The following PTPRN2 variants were observed in gnomAD, a reference collection of about 807,000 sequenced individuals.
PTPRN2 encodes the protein receptor-type tyrosine-protein phosphatase N2.
Under a neutral mutation model 118.8 loss-of-function variants are expected in PTPRN2, and 74 were observed. That is an observed-to-expected ratio of 0.62 (90% CI 0.52 to 0.76). The LOEUF is 0.76. Ranked by LOEUF, PTPRN2 falls within the 30% of genes least tolerant of loss-of-function variation. PTPRN2 has a pLI of 0.00. For missense variants in PTPRN2, 1,481 were observed against 1,394.4 expected (o/e 1.06, Z -0.99); for synonymous variants, 641 against 608.0 (o/e 1.05, Z -0.80).
chr7:158,223,543 T>C (rs1214500096), intron 3 of PTPRN2, among the ~76,000 whole-genome samples: 1 of 152,068 alleles, frequency 6.6e-6, no homozygotes, highest in African/African-American at 2.4e-5. Context: ...ACCATATTAA[T>C]AGGCTAAAGA....
chr7:158,298,470 C>A (rs976048574), intron 3 of PTPRN2, among the ~76,000 whole-genome samples: 3 of 152,172 alleles, frequency 2.0e-5, no homozygotes, highest in African/African-American at 7.2e-5. Context: ...CAAGTCGAAA[C>A]ATGAAATTAC....
intron 2 of PTPRN2, among the ~76,000 whole-genome samples, chr7:158,384,100 C>T (rs1811155645): frequency 6.6e-6 from 1 of 152,200 alleles, no homozygotes; most frequent in East Asian, 1.9e-4. Flanking sequence ...GTCCCTCACA[C>T]ACTCATGATT....
chr7:157,665,485 G>A (rs1447204694), intron 13 of PTPRN2, among the ~76,000 whole-genome samples: 1 of 152,218 alleles, frequency 6.6e-6, no homozygotes, highest in African/African-American at 2.4e-5. Context: ...GAGCTGGACG[G>A]AGGCTCCATC....
intron 13 of PTPRN2, among the ~76,000 whole-genome samples, chr7:157,681,982 A>T (rs1796934429): frequency 7.2e-5 from 11 of 152,230 alleles, no homozygotes; most frequent in Admixed American, 7.2e-4. Flanking sequence ...TTTTATATGC[A>T]AAGGAATCAA....
chr7:158,128,674 C>G (rs114666751), intron 9 of PTPRN2, among the ~76,000 whole-genome samples: 2,300 of 152,232 alleles, frequency 0.015, 58 homozygotes, highest in African/African-American at 0.052. Flanking sequence ...ACAGGATTGT[C>G]GGCTCTGAAG....
intron 2 of PTPRN2, among the ~76,000 whole-genome samples, chr7:158,363,012 C>T (rs1231049707): frequency 1.3e-5 from 2 of 152,182 alleles, no homozygotes; most frequent in Non-Finnish European, 1.5e-5. Flanking sequence ...CCCCATGATC[C>T]ATGGAACAGA....
chr7:158,513,605 GA>G (rs1427973661), intron 1 of PTPRN2, among the ~76,000 whole-genome samples: 1 of 103,032 alleles, frequency 9.7e-6, no homozygotes, highest in Non-Finnish European at 1.9e-5. Flanking sequence ...AAACTGTCCT[GA>G]AAAATAGTTT....
At chr7:157,791,300 G>A (rs1294973442) in intron 12 of PTPRN2, among the ~76,000 whole-genome samples, 3 of 152,208 alleles carry the variant, frequency 2.0e-5, no homozygotes, top group Non-Finnish European at 4.4e-5. Context: ...CATGGAACAC[G>A]ATGCAACACC....
At chr7:158,143,044 C>T (rs1173275784) in intron 6 of PTPRN2, among the ~76,000 whole-genome samples, 1 of 152,222 alleles carries the variant, frequency 6.6e-6, no homozygotes, top group Admixed American at 6.5e-5. Context: ...CCAGAGCAAC[C>T]TTTTCATTCT....
chr7:157,871,843 G>A (rs1224762203), intron 12 of PTPRN2, among the ~76,000 whole-genome samples: 5 of 150,842 alleles, frequency 3.3e-5, no homozygotes, highest in African/African-American at 1.2e-4. Flanking sequence ...GTCTACACAT[G>A]TGCACTCAGC....
chr7:158,077,808 A>T (rs2128928014), intron 11 of PTPRN2, among the ~76,000 whole-genome samples: 1 of 152,354 alleles, frequency 6.6e-6, no homozygotes, highest in Non-Finnish European at 1.5e-5. Flanking sequence ...TGAAAGGAGC[A>T]ATACAAAAAT....
intron 21 of PTPRN2, among the ~76,000 whole-genome samples, chr7:157,558,909 A>G (rs769261959): frequency 2.6e-5 from 4 of 152,206 alleles, no homozygotes; most frequent in Non-Finnish European, 4.4e-5. Flanking sequence ...GCAAACACAG[A>G]GACCTTGTCC....
intron 2 of PTPRN2, among the ~76,000 whole-genome samples, chr7:158,408,195 A>G (rs1268440491): frequency 6.6e-6 from 1 of 152,250 alleles, no homozygotes; most frequent in Non-Finnish European, 1.5e-5. Context: ...ACACATGATC[A>G]AATGTGCCTT....
intron 6 of PTPRN2, among the ~76,000 whole-genome samples, chr7:158,155,712 ACACCATCATCACCAT>A (rs1283089618): frequency 4.7e-5 from 5 of 106,230 alleles, no homozygotes; most frequent in Non-Finnish European, 7.5e-5. Flanking sequence ...ATCACCGTCA[ACACCATCATCACCAT>A]CACCATCATC....
At chr7:157,694,589 A>G (rs1797678043) in intron 12 of PTPRN2, among the ~76,000 whole-genome samples, 1 of 152,148 alleles carries the variant, frequency 6.6e-6, no homozygotes, top group Admixed American at 6.5e-5. Context: ...GAAACTGGTA[A>G]GTTACTCGCC....
At chr7:158,225,023 A>G (rs1212947713) in intron 3 of PTPRN2, among the ~76,000 whole-genome samples, 2 of 152,186 alleles carry the variant, frequency 1.3e-5, no homozygotes, top group Non-Finnish European at 2.9e-5. Context: ...AGATGCCACC[A>G]CACACCTATC....
chr7:158,003,184 A>G lies in PTPRN2; in HGVS notation c.1723+78114T>C, dbSNP rs992103984. On this transcript the variant is annotated intron_variant, in intron 11 of 22. Transcript: ENST00000389418. This position sits in a 1 kb window ranked among gnomAD's most constrained non-coding sequence, Gnocchi z 5.0. ...AATCCCAGCACTTTGGGAGGCCGAGACGGGCGGATCACGAGGTCAGGAGAT... is the reference window on the plus strand; with the variant it reads ...AATCCCAGCACTTTGGGAGGCCGAGGCGGGCGGATCACGAGGTCAGGAGAT... 2.6e-5 allele frequency among the ~76,000 whole-genome samples: 4 copies of G among 151,808 alleles called. No homozygotes were observed. The highest frequency in any genetic ancestry group is 4.4e-5 in the Non-Finnish European group (3 of 67,954).
Position 158,476,955 on chromosome 7 carries a change from C to A in PTPRN2, c.163+12780G>T, listed in dbSNP as rs373390769. On this transcript the variant is annotated intron_variant, in intron 2 of 22. Coordinates refer to ENST00000389418, the MANE Select transcript of PTPRN2 (RefSeq NM_002847.5). ...CTGAGCTGAACTGATTTTAACTCAC[C>A]TCAAGTCACTAATCTGAAGTCTCAA... is the stretch of plus-strand genomic sequence containing the variant. 3.2e-4 allele frequency among the ~76,000 whole-genome samples: 49 copies of A among 152,344 alleles called. 1 individual carries two copies. In the South Asian group the frequency reaches 8.7e-3, roughly 27 times the overall value.
intron 12 of PTPRN2, among the ~76,000 whole-genome samples, chr7:157,888,813 C>A (rs2043491): frequency 6.6e-6 from 1 of 152,006 alleles, no homozygotes; most frequent in African/African-American, 2.4e-5. Context: ...TGTGTGTAAA[C>A]GCCTTTCCTT....
Sources: allele counts gnomAD v4.1 joint callset (sites outside exome capture counted in the v4.1 genomes callset), GRCh38; gene constraint gnomAD v4.1.1; non-coding constraint Gnocchi (gnomAD v3.1); transcripts MANE v1.5; gene names NCBI Gene and HGNC (gene_info 2026-07-23, HGNC 2026-07-21).